LYST: variants seen among roughly 807,000 people sequenced by gnomAD.
LYST encodes the protein lysosomal trafficking regulator.
A neutral mutation model predicts 413.6 loss-of-function variants in LYST; 192 were observed. The observed-to-expected ratio is 0.46, with a 90% confidence interval of 0.41 to 0.52. The LOEUF is 0.52. Among genes scored for constraint, LYST ranks in the 20% least tolerant of loss-of-function variants. The pLI is 0.00. For synonymous variants in LYST, 1,525 were observed against 1,567.3 expected (o/e 0.97, Z 0.64); for missense variants, 3,815 against 4,499.9 (o/e 0.85, Z 4.35).
rs1659214476 is a variant in LYST, at chr1:235,674,449, T to C, written c.11038+2642A>G. On this transcript the variant is annotated intron_variant, in intron 50 of 52. Coordinates refer to ENST00000389793, the MANE Select transcript of LYST (RefSeq NM_000081.4). This position sits in a 1 kb window ranked among gnomAD's most constrained non-coding sequence, Gnocchi z 4.1. ...CCCCTCGGGTCTTTTGATCGTCACA[T>C]ATATATAAATGCTATCAAAGTTCCA... Among the ~76,000 whole-genome samples, 1 of 150,754 alleles carries C rather than the reference T, an allele frequency of 6.6e-6. No individual in the cohort carries two copies. The highest frequency in any genetic ancestry group is 2.4e-5 in the African/African-American group (1 of 41,092).
chr1:235,844,835 C>A (rs888112268), intron 1 of LYST, among the ~76,000 whole-genome samples: 2 of 152,160 alleles, frequency 1.3e-5, no homozygotes, highest in Admixed American at 1.3e-4. Context: ...CCAGTTAAAA[C>A]ATATCAGTTG....
At chr1:235,703,648 A>G (rs1218976255) in intron 44 of LYST, among the ~76,000 whole-genome samples, 2 of 152,230 alleles carry the variant, frequency 1.3e-5, no homozygotes, top group Non-Finnish European at 2.9e-5. Flanking sequence ...ATATCTAGAC[A>G]TAACATTTCT....
intron 50 of LYST, among the ~76,000 whole-genome samples, chr1:235,669,680 G>A (rs917246656): frequency 1.3e-5 from 2 of 152,176 alleles, no homozygotes; most frequent in East Asian, 1.9e-4. Context: ...GGAAACCTCC[G>A]CAGGGTATTT....
Position 235,741,535 on chromosome 1 carries a change from C to T in LYST, c.8245G>A (p.Val2749Met). 2 of 1,614,028 alleles carry T rather than the reference C, an allele frequency of 1.2e-6. No homozygotes were observed. The highest frequency in any genetic ancestry group is 2.2e-5 in the South Asian group (2 of 91,076). Residue 2749 changes from valine (V) to methionine (M), a missense_variant, in exon 31 of 53, where the codon GTG (valine) becomes ATG (methionine). By Grantham distance (21) the Val-to-Met change is conservative. This residue lies in a region of LYST where 771 missense variants were observed against 837.1 expected (regional missense o/e 0.92). Transcript: ENST00000389793. ...TFRMQLGRLL[V>M]HILSPAHAAQ... is the part of the protein sequence containing the mutation. ...GCGTGGGCTGGCGACAAAATATGCACTAGTAGTCTCCCAAGCTGCATTCGG... is the reference window on the plus strand; with the variant it reads ...GCGTGGGCTGGCGACAAAATATGCATTAGTAGTCTCCCAAGCTGCATTCGG...
At chr1:235,678,879 G>T (rs1329894336) in intron 48 of LYST, among the ~76,000 whole-genome samples, 2 of 151,850 alleles carry the variant, frequency 1.3e-5, no homozygotes, top group East Asian at 3.9e-4. Flanking sequence ...TATGAATTCT[G>T]AATATATGGT....
chr1:235,691,895 A>C (rs1190035946), intron 47 of LYST, among the ~76,000 whole-genome samples: 1 of 150,462 alleles, frequency 6.6e-6, no homozygotes, highest in East Asian at 2.0e-4. Flanking sequence ...GCAGGGTTTC[A>C]CCATGTTGGC....
At chr1:235,709,046 G>C (rs757192132) in intron 44 of LYST, 45 bp downstream of exon 44, 2 of 1,536,078 alleles carry the variant, frequency 1.3e-6, no homozygotes, top group Non-Finnish European at 1.8e-6. Flanking sequence ...AAATATTCAG[G>C]TTCTATCTTA....
chr1:235,788,608 A>G, intron 13 of LYST, 93 bp downstream of exon 13: 1 of 1,211,082 alleles, frequency 8.3e-7, no homozygotes, highest in Non-Finnish European at 1.2e-6. Flanking sequence ...TTTTGCTATA[A>G]TGAACTTTTA....
intron 23 of LYST, 21 bp from the exon 24 acceptor site, chr1:235,757,479 G>A: frequency 6.2e-7 from 1 of 1,600,862 alleles, no homozygotes; most frequent in African/African-American, 1.3e-5. Flanking sequence ...GACCAAAAAA[G>A]TCTTACTAAC....
At chr1:235,798,572 C>T (rs1361343681) in intron 10 of LYST, among the ~76,000 whole-genome samples, 2 of 70,098 alleles carry the variant, frequency 2.9e-5, no homozygotes, top group East Asian at 1.9e-3. Context: ...GGGCAAAACC[C>T]TGTCATAAAA....
intron 15 of LYST, 100 bp from the exon 16 acceptor site, chr1:235,781,155 T>G: frequency 1.3e-6 from 1 of 770,640 alleles, no homozygotes; most frequent in Non-Finnish European, 2.2e-6. Context: ...GCCAGATTCT[T>G]TCAGTTGTTC....
intron 4 of LYST, among the ~76,000 whole-genome samples, chr1:235,811,914 A>G (rs916515254): frequency 1.3e-5 from 2 of 152,206 alleles, no homozygotes; most frequent in Non-Finnish European, 2.9e-5. Context: ...GAATCAATAA[A>G]TAAGCAGAAA....
chr1:235,687,910 T>C (rs1275293454), intron 47 of LYST, among the ~76,000 whole-genome samples: 1 of 152,230 alleles, frequency 6.6e-6, no homozygotes, highest in African/African-American at 2.4e-5. Flanking sequence ...TTTCAAGCTG[T>C]CTCTTGCTGG....
chr1:235,663,176 T>G (rs1407700220), intron 52 of LYST, 98 bp from the exon 53 acceptor site: 2 of 831,158 alleles, frequency 2.4e-6, no homozygotes, highest in Non-Finnish European at 4.1e-6. Flanking sequence ...GAAGTTATCT[T>G]CAGTGGCGCA....
At position 235,777,150 on chromosome 1, in the gene LYST, C is replaced by T. The variant is rs2273584; in HGVS notation, c.5373G>A (p.Lys1791=). Residue 1791 remains lysine (K), a synonymous_variant, in exon 17 of 53, where the codon AAG becomes AAA. Transcript: ENST00000389793. The part of the protein sequence containing the change: ...QSILLEPHHL[K]NLQPTEYKTI... Reference sequence around the variant, plus strand: ...TTTTATATTCAGTAGGTTGGAGATTCTTTAGATGATGAGGTTCTAATAAGA... The same window carrying T: ...TTTTATATTCAGTAGGTTGGAGATTTTTTAGATGATGAGGTTCTAATAAGA... 0.38 allele frequency: 618,270 copies of T among 1,612,208 alleles called. 123,774 individuals are homozygous for T. Among genetic ancestry groups the T allele is most frequent in the African/African-American group, 0.5 (37,107 of 74,872 alleles).
intron 45 of LYST, among the ~76,000 whole-genome samples, chr1:235,701,059 G>A (rs1661503675): frequency 6.6e-6 from 1 of 152,140 alleles, no homozygotes; most frequent in Non-Finnish European, 1.5e-5. Flanking sequence ...ATGGGGGTCA[G>A]GGAAGACTCT....
In LYST at chr1:235,661,217, T is replaced by C. The variant is rs186176907; in HGVS notation, c.*1723A>G. 2.5e-3 allele frequency: 379 copies of C among 152,738 alleles called. 2 individuals are homozygous for C. The highest frequency in any genetic ancestry group is 8.9e-3 in the African/African-American group (371 of 41,570). The allele number at this position is 152,738 out of a possible 1,614,324, so 9.5% of individuals were successfully genotyped here. A position where few individuals can be genotyped will look rare whatever the true frequency, so the allele number is the denominator to read the frequency against. ...CCCCAAATTAATTTTTATTTTTACATAAAAATATAATATTGCACTCTTAAC... is the reference window on the plus strand; with the variant it reads ...CCCCAAATTAATTTTTATTTTTACACAAAAATATAATATTGCACTCTTAAC... On this transcript the variant is annotated 3_prime_UTR_variant, in exon 53 of 53. Transcript: ENST00000389793.
At position 235,753,049 on chromosome 1, in the gene LYST, T is replaced by C. The variant is rs1238946547; in HGVS notation, c.7455A>G (p.Glu2485=). ...AATAATAATTTTAAACTTACTTCTT[T>C]TCTAATCCATTCAGGGCTGCTACTG... ...CNTVAALNGL[E]KNIPMSEYKL... is the part of the protein sequence containing the mutation. Residue 2485 remains glutamate (E), a synonymous_variant, in exon 26 of 53, where the codon GAA becomes GAG. Transcript: ENST00000389793. 2 of 1,496,440 alleles carry C rather than the reference T, an allele frequency of 1.3e-6. No individual in the cohort carries two copies. The allele number at this position is 1,496,440 out of a possible 1,614,324, so 92.7% of individuals were successfully genotyped here.
At position 235,781,065 on chromosome 1, in the gene LYST, A is replaced by C; in HGVS notation, c.5024-10T>G. On this transcript the variant is annotated splice_polypyrimidine_tract_variant and intron_variant, in intron 15 of 52. Transcript: ENST00000389793. ...GAACCAACCTTAGCTCCTGAATAGCAGAAAAATAAAGTTAGTTATTTAAAA... is the reference window on the plus strand; with the variant it reads ...GAACCAACCTTAGCTCCTGAATAGCCGAAAAATAAAGTTAGTTATTTAAAA... 6.3e-7 allele frequency: 1 copy of C among 1,577,588 alleles called. No individual in the cohort carries two copies. The highest frequency in any genetic ancestry group is 8.7e-7 in the Non-Finnish European group (1 of 1,148,688).
Sources: gnomAD v4.1 joint callset for allele counts (sites outside exome capture counted in the v4.1 genomes callset) on GRCh38, gnomAD v4.1.1 for gene constraint, gnomAD v4.1.1 regional missense constraint, Gnocchi (gnomAD v3.1) non-coding constraint, MANE v1.5 for transcripts, NCBI Gene and HGNC (gene_info 2026-07-23, HGNC 2026-07-21) for gene names.